FSD2: variants seen among roughly 807,000 people sequenced by gnomAD.
FSD2 encodes fibronectin type III and SPRY domain containing 2.
Under a neutral mutation model 80.4 loss-of-function variants are expected in FSD2, and 71 were observed. The ratio of observed to expected loss-of-function variants is 0.88; its 90% CI spans 0.73 to 1.08. The LOEUF is 1.08. Among genes scored for constraint, FSD2 ranks in the 50% least tolerant of loss-of-function variants. The pLI, the probability that FSD2 is intolerant of heterozygous loss-of-function variation, is 0.00. For synonymous variants in FSD2, 361 were observed against 329.5 expected (o/e 1.10, Z -1.03); for missense variants, 923 against 913.8 (o/e 1.01, Z -0.13).
rs760281566 is a variant in FSD2 at position 82,765,123 on chromosome 15, CG to C, written c.1820+42del. On this transcript the variant is annotated intron_variant, in intron 11 of 12. Coordinates refer to ENST00000334574, the MANE Select transcript of FSD2 (RefSeq NM_001007122.4). ...TTTGACCTGAATAACAGTGCACCTT[CG>C]GGAAGTTCACAGAACGCCCTTGTGA... is the stretch of plus-strand genomic sequence containing the variant. 12 of 1,554,378 alleles carry C rather than the reference CG, an allele frequency of 7.7e-6. No individual in the cohort carries two copies. In the South Asian group the frequency reaches 1.2e-4, roughly 15 times the overall value.
At chr15:82,803,406 C>T (rs1170357127) in intron 1 of FSD2, among the ~76,000 whole-genome samples, 1 of 152,102 alleles carries the variant, frequency 6.6e-6, no homozygotes, top group Non-Finnish European at 1.5e-5. Flanking sequence ...TCCTGGGCAC[C>T]AGGGATCCCC....
In FSD2 at chr15:82,783,005, T is replaced by G; in HGVS notation, c.756A>C (p.Glu252Asp). The G allele has an allele frequency of 6.2e-7, 1 of 1,612,042 alleles. No individual in the cohort carries two copies. Among genetic ancestry groups the G allele is most frequent in the Admixed American group, 1.7e-5 (1 of 59,548 alleles). The change falls in exon 4 of 13, where the codon GAA (glutamate) becomes GAC (aspartate). Residue 252 changes from glutamate (E) to aspartate (D), a missense_variant. Glu to Asp is a conservative substitution (Grantham distance 45). Coordinates refer to ENST00000334574, the MANE Select transcript of FSD2 (RefSeq NM_001007122.4). ...CGTTGTAATGTGACTCAAAGTTTTG[T>G]TCTTGTTTTCCAAAATTCTCCTGCA... The part of the protein sequence containing the change: ...ITVEENFGKQ[E>D]QNFESHYNEI...
At chr15:82,792,460 A>G (rs371288001) in intron 1 of FSD2, among the ~76,000 whole-genome samples, 4 of 152,086 alleles carry the variant, frequency 2.6e-5, no homozygotes, top group Non-Finnish European at 5.9e-5. Context: ...TTTAAATTGG[A>G]TTATTTGCCT....
At chr15:82,769,423 A>G (rs924785201) in intron 8 of FSD2, among the ~76,000 whole-genome samples, 1 of 152,110 alleles carries the variant, frequency 6.6e-6, no homozygotes, top group African/African-American at 2.4e-5. Context: ...TACAAAAAAA[A>G]AAAAAATCAG....
intron 1 of FSD2, among the ~76,000 whole-genome samples, chr15:82,801,661 G>T (rs1205009264): frequency 2.0e-5 from 3 of 152,290 alleles, no homozygotes; most frequent in African/African-American, 7.2e-5. Context: ...TGGTTTCAGA[G>T]ATCTGGATCC....
chr15:82,802,787 C>T (rs1250116935), intron 1 of FSD2, among the ~76,000 whole-genome samples: 2 of 152,146 alleles, frequency 1.3e-5, no homozygotes, highest in Admixed American at 6.5e-5. Flanking sequence ...TTATAGATTC[C>T]ACCTGGTCAT....
chr15:82,774,852 G>C (rs1016668092), intron 6 of FSD2, among the ~76,000 whole-genome samples: 9 of 151,610 alleles, frequency 5.9e-5, no homozygotes, highest in Non-Finnish European at 8.8e-5. Context: ...CTCCCGAGTA[G>C]TTGGGATTAC....
chr15:82,772,497 C>T (rs556594921), intron 6 of FSD2, among the ~76,000 whole-genome samples: 4 of 152,294 alleles, frequency 2.6e-5, no homozygotes, highest in South Asian at 2.1e-4. Flanking sequence ...GCATAGATTG[C>T]GAGTCCTGCT....
At chr15:82,795,099 G>A (rs2050233788) in intron 1 of FSD2, among the ~76,000 whole-genome samples, 3 of 151,998 alleles carry the variant, frequency 2.0e-5, no homozygotes, top group African/African-American at 7.2e-5. Context: ...CCATTTTTTC[G>A]GATGTCAGTA....
At chr15:82,778,133 T>C (rs941652224) in intron 6 of FSD2, among the ~76,000 whole-genome samples, 1 of 126,726 alleles carries the variant, frequency 7.9e-6, no homozygotes, top group African/African-American at 3.3e-5. Context: ...AAACCATATA[T>C]ATATATATAT....
intron 1 of FSD2, among the ~76,000 whole-genome samples, chr15:82,793,502 C>A (rs1453899067): frequency 6.6e-6 from 1 of 152,192 alleles, no homozygotes; most frequent in Non-Finnish European, 1.5e-5. Context: ...TTGTGTGTCA[C>A]TTCCATGACT....
rs984657306 is a variant in FSD2, at chr15:82,757,478, C to G, written c.*1870G>C. 2 of 150,472 alleles carry G rather than the reference C, an allele frequency of 1.3e-5. No homozygotes were observed. Among genetic ancestry groups the G allele is most frequent in the South Asian group, 4.2e-4 (2 of 4,766 alleles). The allele number at this position is 150,472 out of a possible 1,614,324, so 9.3% of individuals were successfully genotyped here. A position where few individuals can be genotyped will look rare whatever the true frequency, so the allele number is the denominator to read the frequency against. On this transcript the variant is annotated 3_prime_UTR_variant, in exon 13 of 13. Transcript: ENST00000334574. ...TCCCGAGTAGCTGGGACTACAGGCG[C>G]CCGCCACCAGTCCCGGCTAATTTTT...
chr15:82,790,171 G>C (rs1334204873), intron 1 of FSD2, among the ~76,000 whole-genome samples: 1 of 142,662 alleles, frequency 7.0e-6, no homozygotes, highest in South Asian at 2.3e-4. Context: ...GCGAGACTCC[G>C]TCTCAAACAA....
At chr15:82,801,452 G>A (rs1044359656) in intron 1 of FSD2, among the ~76,000 whole-genome samples, 1 of 152,170 alleles carries the variant, frequency 6.6e-6, no homozygotes. Flanking sequence ...GGTTGGGGAG[G>A]TGGGATGTGG....
Position 82,782,939 on chromosome 15 carries a change from T to C in FSD2, c.822A>G (p.Ile274Met), listed in dbSNP as rs1253270595. The C allele has an allele frequency of 6.2e-7, 1 of 1,613,822 alleles. No homozygotes were observed. The highest frequency in any genetic ancestry group is 1.3e-5 in the African/African-American group (1 of 74,920). ...ETLAQKYEEK[I>M]QALGEKKKEK... is the part of the protein sequence containing the mutation. ...CTTTCTTTTTCTCCCCTAGAGCTTG[T>C]ATTTTTTCCTCATATTTTTGAGCAA... The change falls in exon 4 of 13, where the codon ATA becomes ATG. Residue 274 changes from isoleucine to methionine, a missense_variant. Ile to Met is a conservative substitution (Grantham distance 10). Coordinates refer to ENST00000334574, the MANE Select transcript of FSD2 (RefSeq NM_001007122.4).
Position 82,757,581 on chromosome 15 carries a change from C to G in FSD2, c.*1767G>C, listed in dbSNP as rs1404465119. 2 of 152,192 alleles carry G rather than the reference C, an allele frequency of 1.3e-5. No homozygotes were observed. Among genetic ancestry groups the G allele is most frequent in the African/African-American group, 4.8e-5 (2 of 41,410 alleles). 9.4% of individuals were successfully genotyped at this position (152,192 alleles called of 1,614,324 possible). A position where few individuals can be genotyped will look rare whatever the true frequency, so the allele number is the denominator to read the frequency against. ...TCTCCTGACCTTGTGATCCATCCAC[C>G]TTGGCCCCCCAAAGTGCTGGGATTA... On this transcript the variant is annotated 3_prime_UTR_variant, in exon 13 of 13. Transcript: ENST00000334574.
chr15:82,775,775 A>G (rs2049701978), intron 6 of FSD2, among the ~76,000 whole-genome samples: 1 of 152,178 alleles, frequency 6.6e-6, no homozygotes, highest in East Asian at 1.9e-4. Flanking sequence ...GCTTATTGCT[A>G]TAAATTTCCC....
At chr15:82,789,504 C>A (rs2050088540) in intron 1 of FSD2, among the ~76,000 whole-genome samples, 1 of 152,178 alleles carries the variant, frequency 6.6e-6, no homozygotes, top group African/African-American at 2.4e-5. Context: ...CTGCTATCAT[C>A]CCCATTTTGT....
intron 1 of FSD2, among the ~76,000 whole-genome samples, chr15:82,800,812 G>A (rs1375940192): frequency 1.3e-5 from 2 of 151,562 alleles, no homozygotes; most frequent in Non-Finnish European, 2.9e-5. Context: ...CTATTTCGGG[G>A]GTCTAGGGAC....
Sources: gnomAD v4.1 joint callset for allele counts (sites outside exome capture counted in the v4.1 genomes callset) on GRCh38, gnomAD v4.1.1 for gene constraint, MANE v1.5 for transcripts, NCBI Gene and HGNC (gene_info 2026-07-23, HGNC 2026-07-21) for gene names.